The following PARP8 variants were observed in gnomAD, a reference collection of about 807,000 sequenced individuals.
PARP8 encodes the protein poly(ADP-ribose) polymerase family member 8.
In PARP8, 51 loss-of-function variants were observed where a neutral mutation model predicts 124.1. The observed-to-expected ratio is 0.41, with a 90% CI of 0.33 to 0.52. The LOEUF (loss-of-function observed/expected upper bound fraction) is 0.52. Among genes scored for constraint, PARP8 ranks in the 20% least tolerant of loss-of-function variants. The pLI, the probability that PARP8 is intolerant of heterozygous loss-of-function variation, is 0.21. For synonymous variants in PARP8, 391 were observed against 361.5 expected (o/e 1.08, Z -0.93); for missense variants, 860 against 1,018.9 (o/e 0.84, Z 2.12).
At chr5:50,722,656 G>A (rs1201883082) in intron 2 of PARP8, among the ~76,000 whole-genome samples, 2 of 152,112 alleles carry the variant, frequency 1.3e-5, no homozygotes, top group Non-Finnish European at 2.9e-5. Flanking sequence ...ATCCAACTGT[G>A]TGCCCTGGAG....
rs200431549 is a variant in PARP8 at position 50,724,739 on chromosome 5, G to GTT, written c.147-25404_147-25403dup. ...TTCAGTAGCTTTGGGGGTACAAGTG[G>GTT]TTTTTTTTTGCATGGATGAATTACA... On this transcript the variant is annotated intron_variant, in intron 2 of 25. Transcript: ENST00000281631. 7.4e-3 allele frequency among the ~76,000 whole-genome samples: 1,119 copies of GTT among 150,398 alleles called. 7 individuals carry two copies. The highest frequency in any genetic ancestry group is 0.039 in the East Asian group (198 of 5,126).
chr5:50,795,184 A>G lies in PARP8; in HGVS notation c.1195A>G (p.Thr399Ala), dbSNP rs1412581731. 1.2e-6 allele frequency: 2 copies of G among 1,614,090 alleles called. No homozygotes were observed. Among genetic ancestry groups the G allele is most frequent in the African/African-American group, 2.7e-5 (2 of 74,930 alleles). Residue 399 changes from threonine (T) to alanine (A), a missense_variant, in exon 12 of 26, where the codon ACA becomes GCA. Thr to Ala is a moderately conservative substitution (Grantham distance 58). Around this residue, in one of 2 missense-constraint regions of PARP8, gnomAD observed 517 missense variants for 544.2 expected, o/e 0.95. Coordinates refer to ENST00000281631, the MANE Select transcript of PARP8 (RefSeq NM_024615.4). Reference sequence around the variant, plus strand: ...TGGAGATCCACGATGTGAGCACAACACAAACTTGAAGCCCCATAAACTGTT... The same window carrying G: ...TGGAGATCCACGATGTGAGCACAACGCAAACTTGAAGCCCCATAAACTGTT... ...CSGDPRCEHN[T>A]NLKPHKLLSR... is the part of the protein sequence containing the mutation.
intron 2 of PARP8, among the ~76,000 whole-genome samples, chr5:50,747,163 G>GTTTTTTTTTTTTTTTTTGTTT (rs1758663458): frequency 1.0e-5 from 1 of 95,504 alleles, no homozygotes; most frequent in Non-Finnish European, 2.0e-5. Context: ...TGTTTGTTTT[G>GTTTTTTTTTTTTTTTTTGTTT]TTTTTTTTTT....
intron 2 of PARP8, among the ~76,000 whole-genome samples, chr5:50,673,761 T>C (rs1420372927): frequency 6.6e-6 from 1 of 152,234 alleles, no homozygotes; most frequent in Non-Finnish European, 1.5e-5. Flanking sequence ...CTAACCATAA[T>C]AGTTGGAAAA....
chr5:50,796,623 T>A (rs1742586830), intron 12 of PARP8, among the ~76,000 whole-genome samples: 1 of 152,204 alleles, frequency 6.6e-6, no homozygotes, highest in Admixed American at 6.5e-5. Context: ...AATAATTGTA[T>A]CTGATTGTAA....
chr5:50,696,956 C>G (rs995465860), intron 2 of PARP8, among the ~76,000 whole-genome samples: 4 of 152,130 alleles, frequency 2.6e-5, no homozygotes, highest in Non-Finnish European at 2.9e-5. Context: ...ACAGCTGCCA[C>G]TCAGCTAGGA....
intron 2 of PARP8, among the ~76,000 whole-genome samples, chr5:50,701,077 A>C (rs1753545846): frequency 6.6e-6 from 1 of 152,162 alleles, no homozygotes; most frequent in South Asian, 2.1e-4. Flanking sequence ...ACCCTCTTCT[A>C]ATCTTAAATA....
At chr5:50,834,774 T>C in intron 24 of PARP8, 157 bp from the exon 25 acceptor site, 2 of 683,636 alleles carry the variant, frequency 2.9e-6, no homozygotes, top group Non-Finnish European at 5.3e-6. Flanking sequence ...TTTTTATCTA[T>C]ATTTCTTCAT....
intron 3 of PARP8, chr5:50,757,019 G>T: frequency 3.1e-6 from 1 of 318,404 alleles, no homozygotes; most frequent in Non-Finnish European, 6.5e-6. Flanking sequence ...TTTTTCAGTT[G>T]CTGAATGTAG....
chr5:50,805,798 C>T (rs945871881), intron 14 of PARP8, among the ~76,000 whole-genome samples: 20 of 151,888 alleles, frequency 1.3e-4, no homozygotes, highest in Non-Finnish European at 2.9e-5. Context: ...TATTTTTTTG[C>T]CAGTCAACTT....
At chr5:50,767,600 A>G (rs1452274644) in intron 7 of PARP8, among the ~76,000 whole-genome samples, 1 of 152,208 alleles carries the variant, frequency 6.6e-6, no homozygotes, top group African/African-American at 2.4e-5. Context: ...TGTACCTCTT[A>G]TGCACAGTTT....
chr5:50,787,652 A>G (rs1741413735), intron 9 of PARP8, among the ~76,000 whole-genome samples: 1 of 151,936 alleles, frequency 6.6e-6, no homozygotes, highest in African/African-American at 2.4e-5. Context: ...TTACTCTTCC[A>G]TCTGAAATGA....
intron 2 of PARP8, among the ~76,000 whole-genome samples, chr5:50,713,678 G>A (rs1277781523): frequency 6.6e-6 from 1 of 151,936 alleles, no homozygotes; most frequent in African/African-American, 2.4e-5. Flanking sequence ...TGGCCAAAAG[G>A]AATTTACCAA....
chr5:50,789,271 T>C (rs1258119436), intron 10 of PARP8, among the ~76,000 whole-genome samples: 1 of 152,172 alleles, frequency 6.6e-6, no homozygotes, highest in Non-Finnish European at 1.5e-5. Context: ...AAAACACTGA[T>C]AGAGCCAGGA....
At chr5:50,683,458 G>A (rs1039967366) in intron 2 of PARP8, among the ~76,000 whole-genome samples, 3 of 152,106 alleles carry the variant, frequency 2.0e-5, no homozygotes, top group Admixed American at 6.5e-5. Flanking sequence ...CCTGAATTGG[G>A]AATACAAAGA....
intron 2 of PARP8, among the ~76,000 whole-genome samples, chr5:50,670,476 A>C (rs1039708214): frequency 6.6e-5 from 10 of 152,250 alleles, no homozygotes; most frequent in African/African-American, 2.4e-4. Flanking sequence ...AAAAAAAAAT[A>C]ATAATTTTGT....
intron 2 of PARP8, among the ~76,000 whole-genome samples, chr5:50,716,766 G>C (rs1344973569): frequency 5.3e-5 from 8 of 152,184 alleles, no homozygotes; most frequent in Non-Finnish European, 8.8e-5. Context: ...CAAAGGGTTT[G>C]ATGATTAAAT....
intron 17 of PARP8, among the ~76,000 whole-genome samples, chr5:50,824,583 A>G (rs1319643295): frequency 1.3e-5 from 2 of 149,920 alleles, no homozygotes; most frequent in Non-Finnish European, 3.0e-5. Flanking sequence ...GTTTGGGAGC[A>G]TCACGTTTTC....
chr5:50,803,155 T>G (rs1743425875), intron 14 of PARP8, among the ~76,000 whole-genome samples: 1 of 152,228 alleles, frequency 6.6e-6, no homozygotes, highest in African/African-American at 2.4e-5. Context: ...TATGTCATCC[T>G]GCTGCCTTTG....
Sources: allele counts gnomAD v4.1 joint callset (sites outside exome capture counted in the v4.1 genomes callset), GRCh38; gene constraint gnomAD v4.1.1; regional missense constraint gnomAD v4.1.1; transcripts MANE v1.5; gene names NCBI Gene and HGNC (gene_info 2026-07-23, HGNC 2026-07-21).